The following MAP2K5 variants were observed in gnomAD, a reference collection of about 807,000 sequenced individuals.
The protein encoded by MAP2K5 is mitogen-activated protein kinase kinase 5.
Under a neutral mutation model 83.1 loss-of-function variants are expected in MAP2K5, and 49 were observed. The observed-to-expected ratio is 0.59, with a 90% CI of 0.47 to 0.75. The LOEUF is 0.75. MAP2K5 is among the 30% of genes least tolerant of loss of function. The pLI, the probability that MAP2K5 is intolerant of heterozygous loss-of-function variation, is 0.00. For synonymous variants in MAP2K5, 202 were observed against 191.8 expected, an observed-to-expected ratio of 1.05 and a Z score of -0.44; for missense variants, 457 against 557.5, an observed-to-expected ratio of 0.82 and a Z score of 1.82.
At chr15:67,703,255 A>G in intron 15 of MAP2K5, 82 bp from the exon 16 acceptor site, 1 of 986,400 alleles carries the variant, frequency 1.0e-6, no homozygotes, top group Non-Finnish European at 1.6e-6. Flanking sequence ...GTGGCTCCTC[A>G]CCTTAGCTGA....
chr15:67,748,268 T>C lies in MAP2K5; in HGVS notation c.1101+11T>C. On this transcript the variant is annotated intron_variant, in intron 18 of 21. Coordinates refer to ENST00000178640, the MANE Select transcript of MAP2K5 (RefSeq NM_145160.3). The surrounding 1 kb of genome is among the most constrained non-coding windows in gnomAD (Gnocchi z 4.0). The stretch of plus-strand genomic sequence containing the variant: ...CAGGGATCTTTAATGGTAAGCTTTA[T>C]GAGTTCAGAAAAAAATTCACTTTTC... 2 of 1,602,548 alleles carry C rather than the reference T, an allele frequency of 1.2e-6. No homozygotes were observed. Among genetic ancestry groups the C allele is most frequent in the Non-Finnish European group, 1.7e-6 (2 of 1,170,416 alleles).
At chr15:67,611,628 A>C (rs2085927108) in intron 8 of MAP2K5, among the ~76,000 whole-genome samples, 2 of 152,202 alleles carry the variant, frequency 1.3e-5, no homozygotes, top group South Asian at 4.1e-4. Context: ...AGGTATCGTC[A>C]TCCTCATTTG....
rs568483349 is a variant in MAP2K5 at position 67,559,077 on chromosome 15, G to C, written c.185-4206G>C. ...TGCCCACGTCATTAACTCCGTGCCTGAGAAGGGCTTTAAACATGACATCTT... is the reference window on the plus strand; with the variant it reads ...TGCCCACGTCATTAACTCCGTGCCTCAGAAGGGCTTTAAACATGACATCTT... On this transcript the variant is annotated intron_variant, in intron 2 of 21. Transcript: ENST00000178640. This position sits in a 1 kb window ranked among gnomAD's most constrained non-coding sequence, Gnocchi z 4.7. 2.0e-5 allele frequency among the ~76,000 whole-genome samples: 3 copies of C among 152,340 alleles called. No homozygotes were observed. Among genetic ancestry groups the C allele is most frequent in the Non-Finnish European group, 2.9e-5 (2 of 68,028 alleles).
intron 7 of MAP2K5, among the ~76,000 whole-genome samples, chr15:67,600,448 T>G (rs2085630188): frequency 1.3e-5 from 2 of 152,222 alleles, no homozygotes; most frequent in Admixed American, 1.3e-4. Flanking sequence ...TGACACCTTT[T>G]ATCAAACTTT....
In MAP2K5 at chr15:67,585,709, G is replaced by T. The variant is rs926338615; in HGVS notation, c.323-181G>T. On this transcript the variant is annotated intron_variant, in intron 4 of 21. Coordinates refer to ENST00000178640, the MANE Select transcript of MAP2K5 (RefSeq NM_145160.3). ...CAGAAAGCTCTTTGCATTTATAAAT[G>T]CTCACTCCTGCAAGTTAAAACCCTG... 1.8e-5 allele frequency: 10 copies of T among 551,054 alleles called. No homozygotes were observed. The Admixed American group carries it at 3.0e-4, about 16-fold the overall frequency. 34.1% of individuals were successfully genotyped at this position (551,054 alleles called of 1,614,324 possible). A position where few individuals can be genotyped will look rare whatever the true frequency, so the allele number is the denominator to read the frequency against.
Position 67,801,295 on chromosome 15 carries a change from G to A in MAP2K5, c.1243-5351G>A, listed in dbSNP as rs762402140. Among the ~76,000 whole-genome samples, 20 of 152,304 alleles carry A rather than the reference G, an allele frequency of 1.3e-4. No individual in the cohort carries two copies. Among genetic ancestry groups the A allele is most frequent in the Non-Finnish European group, 2.5e-4 (17 of 68,026 alleles). ...GGCCTCTCAAATCACCATTTACAGG[G>A]CAGTCACCTGATCACAGGGCTGCCC... On this transcript the variant is annotated intron_variant, in intron 21 of 21. Coordinates refer to ENST00000178640, the MANE Select transcript of MAP2K5 (RefSeq NM_145160.3). The surrounding 1 kb of genome is among the most constrained non-coding windows in gnomAD (Gnocchi z 4.8).
chr15:67,543,035 A>C lies in MAP2K5; in HGVS notation c.-301A>C. On this transcript the variant is annotated 5_prime_UTR_variant, in exon 1 of 22. Transcript: ENST00000178640. This position sits in a 1 kb window ranked among gnomAD's most constrained non-coding sequence, Gnocchi z 4.3. ...TACCCACACGGCGGCAGAGACCTTC[A>C]CCATAGCGTTCGCTCAACTCCAGAA... The C allele has an allele frequency of 2.3e-6, 1 of 427,476 alleles. No homozygotes were observed. Among genetic ancestry groups the C allele is most frequent in the Non-Finnish European group, 4.3e-6 (1 of 230,472 alleles). The allele number at this position is 427,476 out of a possible 1,614,324, so 26.5% of individuals were successfully genotyped here. A position where few individuals can be genotyped will look rare whatever the true frequency, so the allele number is the denominator to read the frequency against.
rs1011935613 is a variant in MAP2K5 at position 67,749,334 on chromosome 15, A to G, written c.1134+733A>G. On this transcript the variant is annotated intron_variant, in intron 19 of 21. Transcript: ENST00000178640. This position sits in a 1 kb window ranked among gnomAD's most constrained non-coding sequence, Gnocchi z 4.6. ...TTATAATACACAAGGCTTTCAAGAA[A>G]CATTAACATTTTCTTTAAAAACTGA... 1.3e-5 allele frequency among the ~76,000 whole-genome samples: 2 copies of G among 152,208 alleles called. No homozygotes were observed. The highest frequency in any genetic ancestry group is 2.9e-5 in the Non-Finnish European group (2 of 68,032).
intron 17 of MAP2K5, among the ~76,000 whole-genome samples, chr15:67,741,897 C>T (rs916136614): frequency 6.9e-6 from 1 of 144,766 alleles, no homozygotes; most frequent in Non-Finnish European, 1.5e-5. Context: ...TAAGAAAGAA[C>T]TTTTTTTTTT....
Position 67,543,979 on chromosome 15 carries a change from C to A in MAP2K5, c.135+509C>A, listed in dbSNP as rs546500752. Among the ~76,000 whole-genome samples the A allele has an allele frequency of 6.6e-6, 1 of 152,232 alleles. No individual in the cohort carries two copies. The highest frequency in any genetic ancestry group is 2.4e-5 in the African/African-American group (1 of 41,456). On this transcript the variant is annotated intron_variant, in intron 1 of 21. Coordinates refer to ENST00000178640, the MANE Select transcript of MAP2K5 (RefSeq NM_145160.3). The surrounding 1 kb of genome is among the most constrained non-coding windows in gnomAD (Gnocchi z 4.3). ...AGGCTGCAGTGCTGTGGCACGATCT[C>A]GGCTCACTGCAGCCTCTGCCTCCTG... is the stretch of plus-strand genomic sequence containing the variant.
intron 6 of MAP2K5, chr15:67,588,001 C>A: frequency 1.6e-6 from 1 of 614,056 alleles, no homozygotes; most frequent in Non-Finnish European, 2.0e-6. Context: ...CGTTCTTGGC[C>A]CATTCAGCCC....
intron 7 of MAP2K5, among the ~76,000 whole-genome samples, chr15:67,593,389 G>C (rs767861855): frequency 3.5e-4 from 54 of 152,162 alleles, no homozygotes; most frequent in Non-Finnish European, 6.5e-4. Context: ...GAGGCAGAGT[G>C]ACAGCAGACC....
rs1251946392 is a variant in MAP2K5 at position 67,775,896 on chromosome 15, G to A, written c.1242+3144G>A. Among the ~76,000 whole-genome samples the A allele has an allele frequency of 2.0e-5, 3 of 152,192 alleles. No individual in the cohort carries two copies. The highest frequency in any genetic ancestry group is 4.4e-5 in the Non-Finnish European group (3 of 68,032). On this transcript the variant is annotated intron_variant, in intron 21 of 21. Transcript: ENST00000178640. The surrounding 1 kb of genome is among the most constrained non-coding windows in gnomAD (Gnocchi z 5.3). ...GAAACCTCTTCAACATTGACCTGGT[G>A]GAGTTCAAACAGGCAACATATTCAC... is the stretch of plus-strand genomic sequence containing the variant.
chr15:67,581,899 C>T (rs1193435184), intron 4 of MAP2K5, among the ~76,000 whole-genome samples: 2 of 152,018 alleles, frequency 1.3e-5, no homozygotes, highest in Admixed American at 1.3e-4. Context: ...TATTGAAGTG[C>T]TAAGTAAGTA....
At chr15:67,784,134 T>A (rs768969014) in intron 21 of MAP2K5, among the ~76,000 whole-genome samples, 1 of 152,226 alleles carries the variant, frequency 6.6e-6, no homozygotes, top group East Asian at 1.9e-4. Flanking sequence ...GTTATCTCAT[T>A]TGACCTTCAC....
At chr15:67,694,233 T>G (rs886813943) in intron 15 of MAP2K5, among the ~76,000 whole-genome samples, 2 of 152,104 alleles carry the variant, frequency 1.3e-5, no homozygotes, top group Non-Finnish European at 2.9e-5. Flanking sequence ...GTTTTCATAA[T>G]CACCTTGAGA....
chr15:67,647,800 T>A (rs778127416), intron 11 of MAP2K5, among the ~76,000 whole-genome samples: 2 of 150,964 alleles, frequency 1.3e-5, no homozygotes, highest in Non-Finnish European at 3.0e-5. Flanking sequence ...ACCTGGGAGG[T>A]GGAGGTTGCA....
rs1425696727 is a variant in MAP2K5 at position 67,790,371 on chromosome 15, T to A, written c.1243-16275T>A. Among the ~76,000 whole-genome samples the A allele has an allele frequency of 6.6e-6, 1 of 152,158 alleles. No homozygotes were observed. Among genetic ancestry groups the A allele is most frequent in the Non-Finnish European group, 1.5e-5 (1 of 68,026 alleles). On this transcript the variant is annotated intron_variant, in intron 21 of 21. Transcript: ENST00000178640. The surrounding 1 kb of genome is among the most constrained non-coding windows in gnomAD (Gnocchi z 4.6). ...ATTACACTTCTGAGTGTGAGGTCTT[T>A]CCACAGAGCGCCCAAGGTCCCATTG...
rs553464020 is a variant in MAP2K5 at position 67,760,725 on chromosome 15, G to A, written c.1135-8877G>A. ...TCTTGGTGGTGGAGGCCTGTGAATA[G>A]CGGTCTGTGAATGGGCAGTTGCCTG... On this transcript the variant is annotated intron_variant, in intron 19 of 21. Transcript: ENST00000178640. The surrounding 1 kb of genome is among the most constrained non-coding windows in gnomAD (Gnocchi z 4.1). Among the ~76,000 whole-genome samples, 333 of 152,222 alleles carry A rather than the reference G, an allele frequency of 2.2e-3. 1 individual carries two copies. Among genetic ancestry groups the A allele is most frequent in the Non-Finnish European group, 3.4e-3 (228 of 68,016 alleles).
Sources: allele counts gnomAD v4.1 joint callset (sites outside exome capture counted in the v4.1 genomes callset), GRCh38; gene constraint gnomAD v4.1.1; non-coding constraint Gnocchi (gnomAD v3.1); transcripts MANE v1.5; gene names NCBI Gene and HGNC (gene_info 2026-07-23, HGNC 2026-07-21).